The following NSMCE2 variants were observed in gnomAD, a reference collection of about 807,000 sequenced individuals.
NSMCE2 encodes the protein E3 SUMO-protein ligase NSE2.
In NSMCE2, 24 loss-of-function variants were observed where a neutral mutation model predicts 23.8. The observed-to-expected ratio is 1.01, with a 90% confidence interval of 0.73 to 1.42. The LOEUF is 1.42. Ranked by LOEUF, NSMCE2 falls within the 40% of genes most tolerant of loss-of-function variation. NSMCE2 has a pLI of 0.00. For missense variants in NSMCE2, 284 were observed against 296.5 expected, an observed-to-expected ratio of 0.96 and a Z score of 0.31; for synonymous variants, 92 against 94.1, an observed-to-expected ratio of 0.98 and a Z score of 0.13.
chr8:125,109,313 G>C (rs1725908765), intron 3 of NSMCE2, among the ~76,000 whole-genome samples: 1 of 152,140 alleles, frequency 6.6e-6, no homozygotes, highest in African/African-American at 2.4e-5. Context: ...AAATTACTTA[G>C]AATAGTAGTA....
rs1827393064 is a variant in NSMCE2, at chr8:125,275,027, A to G, written c.419-82192A>G. The stretch of plus-strand genomic sequence containing the variant: ...AATAATAATAATAATAATAATAATA[A>G]TAATAATAAATAGAATAATATCCTA... On this transcript the variant is annotated intron_variant, in intron 5 of 7. Coordinates refer to ENST00000287437, the MANE Select transcript of NSMCE2 (RefSeq NM_173685.4). Among the ~76,000 whole-genome samples the G allele has an allele frequency of 2.7e-5, 4 of 149,590 alleles. No individual in the cohort carries two copies. The Admixed American group carries it at 2.7e-4, about 10-fold the overall frequency.
intron 5 of NSMCE2, among the ~76,000 whole-genome samples, chr8:125,356,246 G>A (rs1338672157): frequency 2.7e-5 from 4 of 148,196 alleles, no homozygotes; most frequent in Admixed American, 2.0e-4. Context: ...GGGGGGGGGT[G>A]TTCTGGAAAT....
At chr8:125,198,845 G>T (rs180865539) in intron 5 of NSMCE2, among the ~76,000 whole-genome samples, 5 of 152,166 alleles carry the variant, frequency 3.3e-5, no homozygotes, top group Non-Finnish European at 7.4e-5. Context: ...TAAGCTATTA[G>T]TTACTGCCTC....
intron 5 of NSMCE2, among the ~76,000 whole-genome samples, chr8:125,232,698 T>C (rs1416941991): frequency 6.6e-6 from 1 of 152,212 alleles, no homozygotes; most frequent in Non-Finnish European, 1.5e-5. Flanking sequence ...CAATTTTGTT[T>C]CATTTCTACA....
At chr8:125,312,480 C>T (rs1468560928) in intron 5 of NSMCE2, among the ~76,000 whole-genome samples, 2 of 152,032 alleles carry the variant, frequency 1.3e-5, no homozygotes, top group Admixed American at 6.6e-5. Flanking sequence ...AAAAATTAGC[C>T]GGGCGTGGGT....
At chr8:125,354,623 T>G (rs770026801) in intron 5 of NSMCE2, among the ~76,000 whole-genome samples, 7 of 151,254 alleles carry the variant, frequency 4.6e-5, no homozygotes, top group Non-Finnish European at 1.0e-4. Context: ...TGACTGGTTA[T>G]TCCCAAGCCC....
chr8:125,197,206 A>G (rs1309910093), intron 5 of NSMCE2, among the ~76,000 whole-genome samples: 1 of 152,020 alleles, frequency 6.6e-6, no homozygotes. Context: ...GTTTAATTAG[A>G]TCCCATTTGT....
At chr8:125,337,233 T>A (rs978640203) in intron 5 of NSMCE2, among the ~76,000 whole-genome samples, 1 of 152,216 alleles carries the variant, frequency 6.6e-6, no homozygotes, top group Non-Finnish European at 1.5e-5. Context: ...GGAAAACATA[T>A]TCCAGCCACT....
chr8:125,234,478 G>T (rs1324737193), intron 5 of NSMCE2, among the ~76,000 whole-genome samples: 1 of 152,110 alleles, frequency 6.6e-6, no homozygotes, highest in African/African-American at 2.4e-5. Context: ...TTCTTGCTCT[G>T]TAATACATTT....
intron 5 of NSMCE2, among the ~76,000 whole-genome samples, chr8:125,192,869 T>C (rs1823420386): frequency 1.3e-5 from 2 of 152,224 alleles, no homozygotes; most frequent in Non-Finnish European, 2.9e-5. Flanking sequence ...GATGACGCGC[T>C]CTACTGCTAA....
intron 5 of NSMCE2, among the ~76,000 whole-genome samples, chr8:125,260,631 A>C: frequency 6.8e-6 from 1 of 147,376 alleles, no homozygotes; most frequent in Non-Finnish European, 1.5e-5. Context: ...TTATTTATTT[A>C]TTTTCTTTTT....
At chr8:125,160,859 C>T (rs1413320064) in intron 4 of NSMCE2, among the ~76,000 whole-genome samples, 1 of 152,146 alleles carries the variant, frequency 6.6e-6, no homozygotes, top group African/African-American at 2.4e-5. Context: ...ATCTTGCTTA[C>T]ATCTTTAAGT....
In NSMCE2 at chr8:125,137,784, CT is replaced by C. The variant is rs568986891; in HGVS notation, c.158-13384del. Among the ~76,000 whole-genome samples, 26 of 152,266 alleles carry C rather than the reference CT, an allele frequency of 1.7e-4. No individual in the cohort carries two copies. The South Asian group carries it at 2.3e-3, about 13-fold the overall frequency. On this transcript the variant is annotated intron_variant, in intron 3 of 7. Coordinates refer to ENST00000287437, the MANE Select transcript of NSMCE2 (RefSeq NM_173685.4). The stretch of plus-strand genomic sequence containing the variant: ...GCTTCTGCAGCTTATTACTATATGA[CT>C]TTAGTTCAAGGTACTTAACCTCTCT...
At chr8:125,164,623 G>C (rs2130739625) in intron 4 of NSMCE2, among the ~76,000 whole-genome samples, 1 of 152,158 alleles carries the variant, frequency 6.6e-6, no homozygotes, top group African/African-American at 2.4e-5. Context: ...ATATGTAACG[G>C]TTATATTAAA....
intron 5 of NSMCE2, chr8:125,182,702 A>G (rs1172125911): frequency 1.1e-5 from 2 of 179,728 alleles, no homozygotes; most frequent in Non-Finnish European, 2.3e-5. Flanking sequence ...CTTCTCAACT[A>G]TAGACCAAAA....
At chr8:125,257,831 G>T (rs1337932485) in intron 5 of NSMCE2, among the ~76,000 whole-genome samples, 1 of 152,024 alleles carries the variant, frequency 6.6e-6, no homozygotes, top group Non-Finnish European at 1.5e-5. Context: ...ACCGTGCCCG[G>T]CCAGACAAAA....
intron 3 of NSMCE2, among the ~76,000 whole-genome samples, chr8:125,128,507 A>G (rs1819614793): frequency 6.6e-6 from 1 of 152,212 alleles, no homozygotes; most frequent in Non-Finnish European, 1.5e-5. Context: ...ATGTTAATGG[A>G]GGCCCCATTT....
At chr8:125,206,540 A>G (rs189360545) in intron 5 of NSMCE2, among the ~76,000 whole-genome samples, 1 of 152,298 alleles carries the variant, frequency 6.6e-6, no homozygotes, top group Admixed American at 6.5e-5. Context: ...AGTGTTGTAG[A>G]AGTAGTATCT....
At chr8:125,157,566 C>T (rs1020346751) in intron 4 of NSMCE2, among the ~76,000 whole-genome samples, 24 of 152,178 alleles carry the variant, frequency 1.6e-4, no homozygotes, top group Admixed American at 9.8e-4. Flanking sequence ...AGGTTGTGTT[C>T]GGTAACATTT....
Sources: gnomAD v4.1 joint callset for allele counts (sites outside exome capture counted in the v4.1 genomes callset) on GRCh38, gnomAD v4.1.1 for gene constraint, MANE v1.5 for transcripts, NCBI Gene and HGNC (gene_info 2026-07-23, HGNC 2026-07-21) for gene names.